ST7: variants seen among roughly 807,000 people sequenced by gnomAD.
The protein encoded by ST7 is suppressor of tumorigenicity 7 protein.
ST7 carries 28 observed loss-of-function variants against 78.7 expected under a neutral mutation model. The ratio of observed to expected loss-of-function variants is 0.36; its 90% CI spans 0.26 to 0.49. The LOEUF (loss-of-function observed/expected upper bound fraction) is 0.49. Among genes scored for constraint, ST7 ranks in the 20% least tolerant of loss-of-function variants. ST7 has a pLI of 0.99. For missense variants in ST7, 418 were observed against 696.0 expected (o/e 0.60, Z 4.49); for synonymous variants, 247 against 249.6 (o/e 0.99, Z 0.10).
chr7:116,985,619 C>T lies in ST7; in HGVS notation c.151+31928C>T, dbSNP rs528130387. 1.4e-4 allele frequency among the ~76,000 whole-genome samples: 21 copies of T among 152,268 alleles called. No homozygotes were observed. The South Asian group carries it at 4.4e-3, about 32-fold the overall frequency. On this transcript the variant is annotated intron_variant, in intron 1 of 15. Coordinates refer to ENST00000323984, the MANE Select transcript of ST7 (RefSeq NM_001369598.1). Reference sequence around the variant, plus strand: ...AGAGATGAGACATAGTCCCTTCTTTCATGAAGTTAGGAATAATTAATTGTG... The same window carrying T: ...AGAGATGAGACATAGTCCCTTCTTTTATGAAGTTAGGAATAATTAATTGTG...
intron 9 of ST7, among the ~76,000 whole-genome samples, chr7:117,140,345 C>T (rs1213054577): frequency 6.6e-6 from 1 of 152,132 alleles, no homozygotes; most frequent in African/African-American, 2.4e-5. Context: ...TTACCAGCTT[C>T]ATGACCCAAG....
intron 2 of ST7, among the ~76,000 whole-genome samples, chr7:117,116,665 C>T (rs1391925017): frequency 6.6e-6 from 1 of 152,042 alleles, no homozygotes; most frequent in Non-Finnish European, 1.5e-5. Flanking sequence ...AGCAGAGGTC[C>T]ATCTTTATAC....
chr7:117,170,757 A>G, intron 9 of ST7, 105 bp from the exon 10 acceptor site: 1 of 376,132 alleles, frequency 2.7e-6, no homozygotes, highest in Non-Finnish European at 4.5e-6. Context: ...GTGTATATAT[A>G]TCCAAACCGT....
At chr7:117,043,479 A>C (rs1337330461) in intron 1 of ST7, among the ~76,000 whole-genome samples, 1 of 152,244 alleles carries the variant, frequency 6.6e-6, no homozygotes, top group African/African-American at 2.4e-5. Flanking sequence ...TTTTCAGGTC[A>C]AGAAATATTT....
At chr7:117,151,191 T>G (rs1434578494) in intron 9 of ST7, among the ~76,000 whole-genome samples, 1 of 152,250 alleles carries the variant, frequency 6.6e-6, no homozygotes, top group African/African-American at 2.4e-5. Flanking sequence ...TTGTCACTTT[T>G]CTGCTGAAAA....
chr7:117,106,138 A>T (rs113899538), intron 2 of ST7, among the ~76,000 whole-genome samples: 1 of 152,062 alleles, frequency 6.6e-6, no homozygotes, highest in Admixed American at 6.5e-5. Flanking sequence ...AGCTGGGACT[A>T]CAGGCGCCTG....
chr7:117,098,007 CCTT>C (rs1239871015), intron 1 of ST7, among the ~76,000 whole-genome samples: 2 of 145,864 alleles, frequency 1.4e-5, no homozygotes, highest in African/African-American at 5.1e-5. Context: ...TACTTCTGTG[CCTT>C]CTTCTACCTT....
intron 1 of ST7, among the ~76,000 whole-genome samples, chr7:117,086,093 G>T (rs1329845576): frequency 6.6e-6 from 1 of 151,922 alleles, no homozygotes; most frequent in Non-Finnish European, 1.5e-5. Context: ...TTGAGCAGGG[G>T]CAGGGAGGAA....
Position 116,953,610 on chromosome 7 carries a change from T to C in ST7, c.70T>C (p.Trp24Arg). 6.6e-7 allele frequency: 1 copy of C among 1,512,290 alleles called. No individual in the cohort carries two copies. Among genetic ancestry groups the C allele is most frequent in the Non-Finnish European group, 8.9e-7 (1 of 1,118,610 alleles). The allele number at this position is 1,512,290 out of a possible 1,614,324, so 93.7% of individuals were successfully genotyped here. Reference sequence around the variant, plus strand: ...CATAGTTTGGTCTTGGACGTATCTGTGGACCGTGTGGTTCTTCATCGTGCT... The same window carrying C: ...CATAGTTTGGTCTTGGACGTATCTGCGGACCGTGTGGTTCTTCATCGTGCT... Reference protein sequence around the residue: ...SCIVWSWTYLWTVWFFIVLFL... With the variant: ...SCIVWSWTYLRTVWFFIVLFL... Residue 24 changes from tryptophan (W) to arginine (R), a missense_variant, in exon 1 of 16, where the codon TGG (tryptophan) becomes CGG (arginine). By Grantham distance (101) the Trp-to-Arg change is moderately radical. Transcript: ENST00000323984.
intron 1 of ST7, among the ~76,000 whole-genome samples, chr7:117,049,024 T>C (rs1232140799): frequency 2.0e-5 from 3 of 152,224 alleles, no homozygotes; most frequent in Non-Finnish European, 4.4e-5. Flanking sequence ...GGACAGAGCA[T>C]TGATGGAACC....
chr7:116,973,997 A>G (rs948951538), intron 1 of ST7, among the ~76,000 whole-genome samples: 4 of 152,126 alleles, frequency 2.6e-5, no homozygotes, highest in African/African-American at 4.8e-5. Context: ...GGGACATTTT[A>G]TTTTTTAAAT....
chr7:117,124,129 C>T (rs144441049), intron 3 of ST7, among the ~76,000 whole-genome samples: 2,221 of 151,990 alleles, frequency 0.015, 55 homozygotes, highest in African/African-American at 0.051. Context: ...AAAACAATGG[C>T]GATGTAGAAA....
intron 1 of ST7, among the ~76,000 whole-genome samples, chr7:117,022,168 T>C (rs1381039510): frequency 6.6e-6 from 1 of 152,228 alleles, no homozygotes; most frequent in Non-Finnish European, 1.5e-5. Context: ...ATGCGCTGTA[T>C]GGTATGTGTG....
intron 1 of ST7, among the ~76,000 whole-genome samples, chr7:117,066,673 A>C (rs1033912879): frequency 1.3e-5 from 2 of 150,942 alleles, no homozygotes; most frequent in African/African-American, 4.9e-5. Flanking sequence ...AGGCAGGAGA[A>C]TCGCTTGAAC....
At chr7:117,188,399 A>G (rs1014350478) in intron 10 of ST7, among the ~76,000 whole-genome samples, 2 of 152,204 alleles carry the variant, frequency 1.3e-5, no homozygotes, top group African/African-American at 4.8e-5. Context: ...TTCTGAATTA[A>G]GGTATTTCTG....
intron 12 of ST7, among the ~76,000 whole-genome samples, chr7:117,202,876 C>G (rs193583): frequency 6.6e-6 from 1 of 151,400 alleles, no homozygotes; most frequent in Non-Finnish European, 1.5e-5. Context: ...TTTTTCCCCC[C>G]CTCAGTATCT....
chr7:117,063,066 A>T (rs1195153609), intron 1 of ST7, among the ~76,000 whole-genome samples: 1 of 152,246 alleles, frequency 6.6e-6, no homozygotes, highest in African/African-American at 2.4e-5. Flanking sequence ...TGATTTTTTT[A>T]AGCATACGGA....
In ST7 at chr7:117,029,933, C is replaced by A. The variant is rs936529168; in HGVS notation, c.152-69829C>A. Among the ~76,000 whole-genome samples, 5 of 152,158 alleles carry A rather than the reference C, an allele frequency of 3.3e-5. No individual in the cohort carries two copies. The South Asian group carries it at 1.0e-3, about 32-fold the overall frequency. On this transcript the variant is annotated intron_variant, in intron 1 of 15. Coordinates refer to ENST00000323984, the MANE Select transcript of ST7 (RefSeq NM_001369598.1). ...TAGGCCAATACTATAATTGTTATTA[C>A]TGTATAGCTTTATGATCAGGTAGTG...
At chr7:117,135,004 G>A (rs1804670694) in intron 7 of ST7, among the ~76,000 whole-genome samples, 1 of 152,002 alleles carries the variant, frequency 6.6e-6, no homozygotes, top group Non-Finnish European at 1.5e-5. Context: ...TGCAGTTTGT[G>A]GACAGTAAAA....
Sources: gnomAD v4.1 joint callset for allele counts (sites outside exome capture counted in the v4.1 genomes callset) on GRCh38, gnomAD v4.1.1 for gene constraint, MANE v1.5 for transcripts, NCBI Gene and HGNC (gene_info 2026-07-23, HGNC 2026-07-21) for gene names.